The following AQR variants were observed in gnomAD, a reference collection of about 807,000 sequenced individuals.
AQR encodes the protein aquarius intron-binding spliceosomal factor, also known as RNA helicase aquarius.
Under a neutral mutation model 180.5 loss-of-function variants are expected in AQR, and 61 were observed. That is an observed-to-expected ratio of 0.34 (90% CI 0.28 to 0.42). The LOEUF (loss-of-function observed/expected upper bound fraction) is 0.42. Among genes scored for constraint, AQR ranks in the 10% least tolerant of loss-of-function variants. The pLI, the probability that AQR is intolerant of heterozygous loss-of-function variation, is 1.00. For synonymous variants in AQR, 551 were observed against 588.8 expected (o/e 0.94, Z 0.93); for missense variants, 1,281 against 1,798.3 (o/e 0.71, Z 5.20).
At chr15:34,916,133 G>T (rs1031457502) in intron 15 of AQR, among the ~76,000 whole-genome samples, 1 of 152,144 alleles carries the variant, frequency 6.6e-6, no homozygotes, top group Non-Finnish European at 1.5e-5. Flanking sequence ...GCAAAATACT[G>T]AAGTGAATAA....
chr15:34,920,412 C>A lies in AQR; in HGVS notation c.1141G>T (p.Ala381Ser), dbSNP rs1443965779. 28 of 1,613,244 alleles carry A rather than the reference C, an allele frequency of 1.7e-5. No homozygotes were observed. Among genetic ancestry groups the A allele is most frequent in the Non-Finnish European group, 2.2e-5 (26 of 1,179,540 alleles). The change falls in exon 14 of 35, where the codon GCA becomes TCA. Residue 381 changes from alanine (A) to serine (S), a missense_variant. Physicochemically the swap from Ala to Ser is moderately conservative, Grantham distance 99. Transcript: ENST00000156471. ...GTTGGCAACAAGCAGAGGTATGATG[C>A]CACCTGGTGGAGTGTGTTTGAACTG... ...PLSSNTLHQV[A>S]SYLCLLPTLP...
At chr15:34,953,095 G>A (rs1363889432) in intron 3 of AQR, among the ~76,000 whole-genome samples, 175 bp from the exon 4 acceptor site, 2 of 152,092 alleles carry the variant, frequency 1.3e-5, no homozygotes, top group Non-Finnish European at 2.9e-5. Flanking sequence ...TGACCAACAT[G>A]TTTTCATTTA....
chr15:34,879,275 T>C (rs1007872083), intron 27 of AQR, among the ~76,000 whole-genome samples: 5 of 152,218 alleles, frequency 3.3e-5, no homozygotes, highest in African/African-American at 1.2e-4. Context: ...AAACTTCCTT[T>C]GCTTCTAAGA....
At chr15:34,900,485 T>C (rs922187046) in intron 20 of AQR, 137 bp downstream of exon 20, 2 of 1,027,386 alleles carry the variant, frequency 1.9e-6, no homozygotes, top group African/African-American at 3.2e-5. Context: ...ATCCCAGTGA[T>C]TGTATGGTGA....
At chr15:34,946,723 A>G (rs1233448683) in intron 5 of AQR, among the ~76,000 whole-genome samples, 149 of 53,172 alleles carry the variant, frequency 2.8e-3, no homozygotes, top group African/African-American at 2.8e-3. Context: ...TCAGCCCCCC[A>G]CCCGGCCAGC....
chr15:34,932,252 T>A (rs1480324984), intron 11 of AQR, 66 bp downstream of exon 11: 15 of 1,345,192 alleles, frequency 1.1e-5, no homozygotes, highest in Non-Finnish European at 1.5e-5. Flanking sequence ...CTCCCAGTTG[T>A]GTGGCAAAGA....
chr15:34,874,201 C>G (rs1892860881), intron 29 of AQR: 1 of 458,950 alleles, frequency 2.2e-6, no homozygotes, highest in South Asian at 5.6e-5. Context: ...GAAGGTACTA[C>G]AAAAATGAGA....
chr15:34,866,425 A>G (rs1892739318), intron 32 of AQR, among the ~76,000 whole-genome samples: 1 of 152,180 alleles, frequency 6.6e-6, no homozygotes, highest in African/African-American at 2.4e-5. Flanking sequence ...TACTGAAATC[A>G]GGTTTTCTTT....
At chr15:34,958,887 T>C (rs2140507209) in intron 3 of AQR, among the ~76,000 whole-genome samples, 1 of 152,334 alleles carries the variant, frequency 6.6e-6, no homozygotes, top group Non-Finnish European at 1.5e-5. Flanking sequence ...TGCCTAATTA[T>C]TCTGAAATAC....
chr15:34,895,093 C>T (rs1432317580), intron 22 of AQR, among the ~76,000 whole-genome samples: 1 of 132,508 alleles, frequency 7.5e-6, no homozygotes, highest in Non-Finnish European at 1.5e-5. Flanking sequence ...ACTTGGAAAG[C>T]AGAGGTTGCA....
chr15:34,901,377 G>A (rs975173206), intron 19 of AQR, among the ~76,000 whole-genome samples: 1 of 151,826 alleles, frequency 6.6e-6, no homozygotes, highest in African/African-American at 2.4e-5. Flanking sequence ...ACTGTGAGAA[G>A]AAATAAAAAA....
rs757168351 is a variant in AQR, at chr15:34,930,251, T to G, written c.1014+7A>C. 2.3e-5 allele frequency: 35 copies of G among 1,525,774 alleles called. No individual in the cohort carries two copies. Among genetic ancestry groups the G allele is most frequent in the Non-Finnish European group, 1.9e-5 (21 of 1,101,698 alleles). The allele number at this position is 1,525,774 out of a possible 1,614,324, so 94.5% of individuals were successfully genotyped here. A position where few individuals can be genotyped will look rare whatever the true frequency, so the allele number is the denominator to read the frequency against. ...AGCATACACAGTCTATAATGTATTTTAATTACCTGTAGAGAAGTAATTCTA... is the reference window on the plus strand; with the variant it reads ...AGCATACACAGTCTATAATGTATTTGAATTACCTGTAGAGAAGTAATTCTA... On this transcript the variant is annotated splice_region_variant and intron_variant, in intron 12 of 34. Transcript: ENST00000156471.
chr15:34,940,034 A>G (rs1332078590), intron 8 of AQR, among the ~76,000 whole-genome samples: 1 of 152,224 alleles, frequency 6.6e-6, no homozygotes, highest in Non-Finnish European at 1.5e-5. Flanking sequence ...ATCACAGAGC[A>G]TGTGTTCTAG....
chr15:34,876,974 G>A (rs1267554090), intron 27 of AQR, among the ~76,000 whole-genome samples: 1 of 152,030 alleles, frequency 6.6e-6, no homozygotes, highest in Non-Finnish European at 1.5e-5. Flanking sequence ...TGATCTCAAA[G>A]TACTGAAGTA....
At chr15:34,947,327 G>C (rs1894143969) in intron 5 of AQR, among the ~76,000 whole-genome samples, 1 of 150,992 alleles carries the variant, frequency 6.6e-6, no homozygotes, top group African/African-American at 2.4e-5. Flanking sequence ...CTCGTTAAGA[G>C]TCATCACCAC....
chr15:34,939,947 T>C (rs1893998489), intron 8 of AQR, among the ~76,000 whole-genome samples: 1 of 152,136 alleles, frequency 6.6e-6, no homozygotes, highest in Non-Finnish European at 1.5e-5. Context: ...TCTAGCTAAG[T>C]CTGATTGTAG....
At chr15:34,900,007 C>T (rs1478561026) in intron 20 of AQR, among the ~76,000 whole-genome samples, 1 of 152,158 alleles carries the variant, frequency 6.6e-6, no homozygotes, top group African/African-American at 2.4e-5. Flanking sequence ...ATCCTCCTGC[C>T]TCAGCCTCCT....
At chr15:34,927,226 A>C in intron 12 of AQR, 88 bp from the exon 13 acceptor site, 1 of 746,242 alleles carries the variant, frequency 1.3e-6, no homozygotes, top group Non-Finnish European at 1.9e-6. Context: ...TATTTTATAA[A>C]AATATTAACG....
chr15:34,926,187 A>T (rs1010475012), intron 13 of AQR, among the ~76,000 whole-genome samples: 5 of 151,980 alleles, frequency 3.3e-5, no homozygotes, highest in Admixed American at 1.3e-4. Flanking sequence ...AATAAATAAA[A>T]AAATAAAAAA....
Sources: gnomAD v4.1 joint callset for allele counts (sites outside exome capture counted in the v4.1 genomes callset) on GRCh38, gnomAD v4.1.1 for gene constraint, MANE v1.5 for transcripts, NCBI Gene and HGNC (gene_info 2026-07-23, HGNC 2026-07-21) for gene names.